NBEA: variants seen among roughly 807,000 people sequenced by gnomAD.
NBEA encodes lysosomal-trafficking regulator 2.
In NBEA, 44 loss-of-function variants were observed where a neutral mutation model predicts 343.4. That is an observed-to-expected ratio of 0.13 (90% CI 0.10 to 0.16). The LOEUF (loss-of-function observed/expected upper bound fraction) is 0.16. NBEA is among the 10% of genes least tolerant of loss of function. NBEA has a pLI of 1.00. For synonymous variants in NBEA, 1,175 were observed against 1,238.7 expected (o/e 0.95, Z 1.08); for missense variants, 2,555 against 3,631.3 (o/e 0.70, Z 7.62).
intron 33 of NBEA, among the ~76,000 whole-genome samples, chr13:35,218,666 T>C (rs927272772): frequency 5.9e-5 from 9 of 151,948 alleles, no homozygotes; most frequent in African/African-American, 2.2e-4. Context: ...ATAAATGTTA[T>C]ACATCTCTTA....
intron 1 of NBEA, among the ~76,000 whole-genome samples, chr13:34,983,903 A>C (rs186459145): frequency 2.0e-5 from 3 of 152,138 alleles, no homozygotes; most frequent in Non-Finnish European, 2.9e-5. Context: ...AGTTCTTTGT[A>C]GATTGTGGAT....
intron 36 of NBEA, among the ~76,000 whole-genome samples, chr13:35,340,242 A>T (rs1378866224): frequency 6.6e-6 from 1 of 152,136 alleles, no homozygotes; most frequent in Non-Finnish European, 1.5e-5. Flanking sequence ...CCCATTGACA[A>T]GTGAAGCATA....
intron 1 of NBEA, among the ~76,000 whole-genome samples, chr13:34,953,524 C>T (rs1040244057): frequency 6.6e-6 from 1 of 152,168 alleles, no homozygotes; most frequent in Non-Finnish European, 1.5e-5. Context: ...TAAGTGACGT[C>T]TTCCCTGATA....
chr13:35,366,610 CA>C (rs2041130682), intron 38 of NBEA, among the ~76,000 whole-genome samples: 1 of 149,372 alleles, frequency 6.7e-6, no homozygotes, highest in South Asian at 2.1e-4. Context: ...CTAGTTCATT[CA>C]TTTTAATTTT....
rs1235672812 is a variant in NBEA at position 35,121,849 on chromosome 13, C to T, written c.2244-1633C>T. Among the ~76,000 whole-genome samples the T allele has an allele frequency of 2.6e-5, 4 of 152,012 alleles. No individual in the cohort carries two copies. In the East Asian group the frequency reaches 7.7e-4, roughly 29 times the overall value. ...GCATCTTTTACTAGATTCTCTTGTT[C>T]AGCTGAGTACTTTACCTCAAAATAT... is the stretch of plus-strand genomic sequence containing the variant. On this transcript the variant is annotated intron_variant, in intron 16 of 58. Coordinates refer to ENST00000379939, the MANE Select transcript of NBEA (RefSeq NM_001385012.1).
At chr13:35,271,916 A>G (rs913834991) in intron 34 of NBEA, among the ~76,000 whole-genome samples, 1 of 152,254 alleles carries the variant, frequency 6.6e-6, no homozygotes, top group African/African-American at 2.4e-5. Context: ...AATGGAACCA[A>G]GTTAGAAAAC....
chr13:35,311,869 A>C (rs2037393797), intron 36 of NBEA, among the ~76,000 whole-genome samples: 1 of 152,180 alleles, frequency 6.6e-6, no homozygotes, highest in African/African-American at 2.4e-5. Context: ...CCAAAAAAAA[A>C]AATTCAACCT....
chr13:34,968,424 G>A (rs1291398753), intron 1 of NBEA, among the ~76,000 whole-genome samples: 1 of 152,132 alleles, frequency 6.6e-6, no homozygotes, highest in East Asian at 1.9e-4. Flanking sequence ...CATGAGCTCA[G>A]CTATGGTCAA....
At chr13:35,286,802 GT>G (rs1253608910) in intron 34 of NBEA, among the ~76,000 whole-genome samples, 1 of 151,768 alleles carries the variant, frequency 6.6e-6, no homozygotes, top group Non-Finnish European at 1.5e-5. Context: ...GTTTTATCTT[GT>G]TTTTTAGTGG....
At chr13:35,322,105 C>T (rs1010233275) in intron 36 of NBEA, among the ~76,000 whole-genome samples, 7 of 151,974 alleles carry the variant, frequency 4.6e-5, no homozygotes, top group African/African-American at 1.2e-4. Context: ...GGGGAGTGAA[C>T]GGTTCTGTCT....
At chr13:35,437,617 C>T (rs966348772) in intron 39 of NBEA, among the ~76,000 whole-genome samples, 2 of 151,948 alleles carry the variant, frequency 1.3e-5, no homozygotes, top group African/African-American at 2.4e-5. Flanking sequence ...TCTAATTTTG[C>T]GTGTATTTAA....
At chr13:34,968,121 C>A (rs2059884106) in intron 1 of NBEA, among the ~76,000 whole-genome samples, 1 of 152,092 alleles carries the variant, frequency 6.6e-6, no homozygotes, top group Non-Finnish European at 1.5e-5. Flanking sequence ...AGCTTAGGAA[C>A]AGCCAAATGG....
chr13:35,660,838 A>C lies in NBEA; in HGVS notation c.8363-4247A>C, dbSNP rs572833072. ...ACAAGTTTGTATCACTTCTCGGAGC[A>C]AAGAATCTTAGCTAGGATTTAGCAT... On this transcript the variant is annotated intron_variant, in intron 55 of 58. Coordinates refer to ENST00000379939, the MANE Select transcript of NBEA (RefSeq NM_001385012.1). 1.6e-3 allele frequency among the ~76,000 whole-genome samples: 251 copies of C among 152,372 alleles called. 2 individuals carry two copies. The highest frequency in any genetic ancestry group is 4.5e-3 in the African/African-American group (188 of 41,596).
Position 35,549,139 on chromosome 13 carries a change from T to A in NBEA, c.6586-1338T>A, listed in dbSNP as rs556775020. On this transcript the variant is annotated intron_variant, in intron 41 of 58. Transcript: ENST00000379939. ...AAAATGTTTCAGATTTAAATAGACG[T>A]CTGACTGCCTCCAAAAACCTTTCAA... Among the ~76,000 whole-genome samples, 15 of 152,278 alleles carry A rather than the reference T, an allele frequency of 9.9e-5. No homozygotes were observed. The South Asian group carries it at 1.7e-3, about 17-fold the overall frequency.
intron 38 of NBEA, among the ~76,000 whole-genome samples, chr13:35,362,657 A>G (rs1166685925): frequency 6.6e-6 from 1 of 151,944 alleles, no homozygotes; most frequent in African/African-American, 2.4e-5. Context: ...TACATCATAG[A>G]TTATATTTTT....
chr13:35,009,463 A>G lies in NBEA; in HGVS notation c.295-31470A>G, dbSNP rs563726250. Among the ~76,000 whole-genome samples the G allele has an allele frequency of 9.2e-5, 14 of 152,282 alleles. No homozygotes were observed. In the South Asian group the frequency reaches 2.5e-3, roughly 27 times the overall value. On this transcript the variant is annotated intron_variant, in intron 1 of 58. Transcript: ENST00000379939. Reference sequence around the variant, plus strand: ...GAAGGGAGAGAGCCATATGGATATCAGTCAGAGGGAACAGAAAGTATAAAG... The same window carrying G: ...GAAGGGAGAGAGCCATATGGATATCGGTCAGAGGGAACAGAAAGTATAAAG...
At chr13:35,067,669 TGAAA>T (rs2063705505) in intron 8 of NBEA, among the ~76,000 whole-genome samples, 1 of 152,108 alleles carries the variant, frequency 6.6e-6, no homozygotes, top group Admixed American at 6.6e-5. Flanking sequence ...AAAATCCTTC[TGAAA>T]GAAATAATAC....
intron 38 of NBEA, among the ~76,000 whole-genome samples, chr13:35,378,884 A>G (rs994565743): frequency 6.6e-6 from 1 of 152,158 alleles, no homozygotes; most frequent in Non-Finnish European, 1.5e-5. Context: ...TTATAAATGT[A>G]GATGGAATCA....
At chr13:35,488,429 A>G (rs914425102) in intron 41 of NBEA, among the ~76,000 whole-genome samples, 4 of 151,836 alleles carry the variant, frequency 2.6e-5, no homozygotes, top group Non-Finnish European at 5.9e-5. Context: ...CTCATTTGGG[A>G]TAAAGTATAT....
Sources: allele counts gnomAD v4.1 joint callset (sites outside exome capture counted in the v4.1 genomes callset), GRCh38; gene constraint gnomAD v4.1.1; transcripts MANE v1.5; gene names NCBI Gene and HGNC (gene_info 2026-07-23, HGNC 2026-07-21).